The following SLC5A4 variants were observed in gnomAD, a reference collection of about 807,000 sequenced individuals.
SLC5A4 encodes the protein probable glucose sensor protein SLC5A4.
A neutral mutation model predicts 70.3 loss-of-function variants in SLC5A4; 55 were observed. The ratio of observed to expected loss-of-function variants is 0.78; its 90% CI spans 0.63 to 0.98. The LOEUF is 0.98. Among genes scored for constraint, SLC5A4 ranks in the 50% least tolerant of loss-of-function variants. The pLI, the probability that SLC5A4 is intolerant of heterozygous loss-of-function variation, is 0.00. For synonymous variants in SLC5A4, 268 were observed against 305.7 expected, an observed-to-expected ratio of 0.88 and a Z score of 1.29; for missense variants, 735 against 839.2, an observed-to-expected ratio of 0.88 and a Z score of 1.53.
At chr22:32,305,212 ATC>A in the SLC5A4 span, among the ~76,000 whole-genome samples, 2 of 147,258 alleles carry the variant, frequency 1.4e-5, no homozygotes. Flanking sequence ...ATTTTCCTGT[ATC>A]TTTTTTTTAT....
At chr22:32,255,486 C>T (rs1054538573), upstream of SLC5A4, 1 of 709,230 alleles carries the variant, frequency 1.4e-6, no homozygotes, top group South Asian at 2.0e-5. Context: ...CACCCCAGCC[C>T]TCCACCAGTG....
At chr22:32,310,975 AACC>A in the SLC5A4 span, among the ~76,000 whole-genome samples, 229 of 152,154 alleles carry the variant, frequency 1.5e-3, 4 homozygotes, top group East Asian at 0.035. Flanking sequence ...GCTTCCTTGA[AACC>A]ACCAAGCCTG....
Position 32,248,152 on chromosome 22 carries a change from G to A in SLC5A4, c.372+591C>T, listed in dbSNP as rs557497982. 2.6e-5 allele frequency among the ~76,000 whole-genome samples: 4 copies of A among 152,234 alleles called. No individual in the cohort carries two copies. The South Asian group carries it at 6.2e-4, about 24-fold the overall frequency. ...TTTCTAGCAATAGGCCAGGTGAAGG[G>A]CAGGGACCCAGGTTTCATGATTGAA... On this transcript the variant is annotated intron_variant, in intron 4 of 14. Coordinates refer to ENST00000266086, the MANE Select transcript of SLC5A4 (RefSeq NM_014227.3).
At chr22:32,328,301 T>TCC in the SLC5A4 span, among the ~76,000 whole-genome samples, 5 of 151,978 alleles carry the variant, frequency 3.3e-5, no homozygotes, top group Admixed American at 3.3e-4. Context: ...ACTCACACCC[T>TCC]CCTTTGGTAC....
chr22:32,286,877 T>C, the SLC5A4 span, among the ~76,000 whole-genome samples: 4 of 152,216 alleles, frequency 2.6e-5, no homozygotes, highest in Admixed American at 1.3e-4. Context: ...AGCTGTCTGC[T>C]TCCAGATGCC....
At position 32,238,980 on chromosome 22, in the gene SLC5A4, C is replaced by T; in HGVS notation, c.583+5G>A. 1 of 1,604,640 alleles carries T rather than the reference C, an allele frequency of 6.2e-7. No individual in the cohort carries two copies. The highest frequency in any genetic ancestry group is 8.5e-7 in the Non-Finnish European group (1 of 1,171,424). The stretch of plus-strand genomic sequence containing the variant: ...CTGAGTGAGCAAAATATGCAACATA[C>T]TTACCAGTGGTGGTGTAAACAGCAG... On this transcript the variant is annotated splice_donor_5th_base_variant and intron_variant, in intron 6 of 14. Transcript: ENST00000266086.
At chr22:32,348,172 T>C in the SLC5A4 span, among the ~76,000 whole-genome samples, 1 of 152,202 alleles carries the variant, frequency 6.6e-6, no homozygotes. Flanking sequence ...TCCCGTTTTT[T>C]CCAGGACACC....
intron 11 of SLC5A4, among the ~76,000 whole-genome samples, chr22:32,226,805 C>T (rs997321858): frequency 6.6e-6 from 1 of 152,122 alleles, no homozygotes; most frequent in Admixed American, 6.6e-5. Flanking sequence ...GACCTCGCCT[C>T]CAGGCACCTT....
chr22:32,334,192 CCACA>C, the SLC5A4 span, among the ~76,000 whole-genome samples: 2 of 152,066 alleles, frequency 1.3e-5, no homozygotes, highest in Admixed American at 6.5e-5. Flanking sequence ...ACACACCATG[CCACA>C]CAGACTCCTG....
chr22:32,352,584 C>T, the SLC5A4 span, among the ~76,000 whole-genome samples: 1 of 152,126 alleles, frequency 6.6e-6, no homozygotes, highest in Non-Finnish European at 1.5e-5. Context: ...ACTCCTCCTT[C>T]CCCTGGCTGC....
chr22:32,270,248 G>T, the SLC5A4 span: 2 of 709,508 alleles, frequency 2.8e-6, no homozygotes, highest in Non-Finnish European at 5.3e-6. Flanking sequence ...GCTGCCATGG[G>T]TGAGCCTGCC....
At chr22:32,224,219 C>T in intron 13 of SLC5A4, 48 bp downstream of exon 13, 1 of 1,479,138 alleles carries the variant, frequency 6.8e-7, no homozygotes, top group Non-Finnish European at 9.4e-7. Context: ...TGCGCCCGGC[C>T]AAGAACTCTT....
chr22:32,328,141 A>C, the SLC5A4 span, among the ~76,000 whole-genome samples: 2 of 151,702 alleles, frequency 1.3e-5, no homozygotes, highest in African/African-American at 2.4e-5. Flanking sequence ...ACCAGACCCC[A>C]GCACACACAC....
chr22:32,316,272 G>T, the SLC5A4 span, among the ~76,000 whole-genome samples: 1 of 151,002 alleles, frequency 6.6e-6, no homozygotes, highest in Non-Finnish European at 1.5e-5. Context: ...TTTAAAAAAA[G>T]GATGAGCAGA....
chr22:32,240,827 G>A (rs912590823), intron 5 of SLC5A4, among the ~76,000 whole-genome samples: 2 of 152,202 alleles, frequency 1.3e-5, no homozygotes, highest in African/African-American at 4.8e-5. Context: ...CCTGTGTGGT[G>A]TGACTCAGAA....
chr22:32,343,970 G>T, the SLC5A4 span, among the ~76,000 whole-genome samples: 9 of 152,144 alleles, frequency 5.9e-5, no homozygotes, highest in South Asian at 4.1e-4. Flanking sequence ...GCTTCGAACA[G>T]TTGTAAGAAA....
the SLC5A4 span, among the ~76,000 whole-genome samples, chr22:32,307,075 A>C: frequency 6.6e-6 from 1 of 152,074 alleles, no homozygotes; most frequent in Non-Finnish European, 1.5e-5. Flanking sequence ...GTACCAACCC[A>C]AGGGTAACCA....
intron 13 of SLC5A4, among the ~76,000 whole-genome samples, chr22:32,222,746 C>T (rs565938766): frequency 2.0e-5 from 3 of 152,226 alleles, no homozygotes; most frequent in African/African-American, 7.2e-5. Flanking sequence ...AATCTACTGG[C>T]CACTTCTCAG....
At chr22:32,333,416 G>A in the SLC5A4 span, among the ~76,000 whole-genome samples, 5 of 152,192 alleles carry the variant, frequency 3.3e-5, no homozygotes, top group African/African-American at 1.2e-4. Context: ...GTGAATGGGT[G>A]TAGGTAAGCA....
Sources: allele counts gnomAD v4.1 joint callset (sites outside exome capture counted in the v4.1 genomes callset), GRCh38; gene constraint gnomAD v4.1.1; transcripts MANE v1.5; gene names NCBI Gene and HGNC (gene_info 2026-07-23, HGNC 2026-07-21).